CDH13: variants seen among roughly 807,000 people sequenced by gnomAD.
CDH13 encodes cadherin-13.
In CDH13, 24 loss-of-function variants were observed where a neutral mutation model predicts 63.8. The observed-to-expected ratio is 0.38, with a 90% confidence interval of 0.27 to 0.53. CDH13 has a LOEUF of 0.53. Ranked by LOEUF, CDH13 falls within the 20% of genes least tolerant of loss-of-function variation. The pLI is 0.85. For synonymous variants in CDH13, 503 were observed against 355.3 expected, an observed-to-expected ratio of 1.42 and a Z score of -4.67; for missense variants, 1,049 against 903.1, an observed-to-expected ratio of 1.16 and a Z score of -2.07.
intron 3 of CDH13, among the ~76,000 whole-genome samples, chr16:83,051,992 A>G (rs1233914737): frequency 6.6e-6 from 1 of 152,278 alleles, no homozygotes; most frequent in Non-Finnish European, 1.5e-5. Context: ...TGTCATGTGG[A>G]AATGAGAATA....
At chr16:82,765,585 T>G (rs1191672361) in intron 1 of CDH13, among the ~76,000 whole-genome samples, 1 of 152,202 alleles carries the variant, frequency 6.6e-6, no homozygotes, top group African/African-American at 2.4e-5. Context: ...GTATTTATGA[T>G]GAGAAAATCA....
chr16:83,470,165 C>T (rs1209689031), intron 6 of CDH13, among the ~76,000 whole-genome samples: 1 of 152,190 alleles, frequency 6.6e-6, no homozygotes, highest in Non-Finnish European at 1.5e-5. Context: ...TCACCTATCC[C>T]TCTACTTCCC....
intron 2 of CDH13, among the ~76,000 whole-genome samples, chr16:82,901,467 G>A (rs185604437): frequency 6.6e-6 from 1 of 151,876 alleles, no homozygotes; most frequent in East Asian, 1.9e-4. Context: ...GGCTGAGATA[G>A]CCGTGTAAAG....
At chr16:82,752,569 G>C (rs1050521835) in intron 1 of CDH13, among the ~76,000 whole-genome samples, 1 of 152,224 alleles carries the variant, frequency 6.6e-6, no homozygotes, top group Admixed American at 6.5e-5. Flanking sequence ...CTTTGAAAAT[G>C]TCCAATTCTC....
intron 7 of CDH13, among the ~76,000 whole-genome samples, chr16:83,500,365 TTCCTTCTTC>T (rs2074249486): frequency 4.2e-4 from 1 of 2,354 alleles, no homozygotes; most frequent in African/African-American, 4.8e-4. Flanking sequence ...TTCTTCCTTC[TTCCTTCTTC>T]TTTCTTCTTC....
chr16:82,961,976 T>A (rs1303504645), intron 2 of CDH13, among the ~76,000 whole-genome samples: 1 of 152,136 alleles, frequency 6.6e-6, no homozygotes, highest in Non-Finnish European at 1.5e-5. Flanking sequence ...GGCTTATGGA[T>A]GCCATGGGAA....
intron 2 of CDH13, among the ~76,000 whole-genome samples, chr16:82,996,965 G>A (rs1912285749): frequency 6.6e-6 from 1 of 151,752 alleles, no homozygotes; most frequent in East Asian, 1.9e-4. Flanking sequence ...TGGTGGTGGT[G>A]GTGGTAATGA....
At position 83,067,578 on chromosome 16, in the gene CDH13, T is replaced by G. The variant is rs1309408270; in HGVS notation, c.366+35360T>G. 2.0e-5 allele frequency among the ~76,000 whole-genome samples: 3 copies of G among 152,200 alleles called. No individual in the cohort carries two copies. The East Asian group carries it at 5.8e-4, about 29-fold the overall frequency. On this transcript the variant is annotated intron_variant, in intron 3 of 13. Transcript: ENST00000567109. ...TTTTACAACCTCCACAAACTAAGGTTCATGATCGAAGAACCTCACTGAATA... is the reference window on the plus strand; with the variant it reads ...TTTTACAACCTCCACAAACTAAGGTGCATGATCGAAGAACCTCACTGAATA...
intron 13 of CDH13, among the ~76,000 whole-genome samples, chr16:83,794,209 T>G (rs1370090789): frequency 6.6e-6 from 1 of 152,218 alleles, no homozygotes; most frequent in African/African-American, 2.4e-5. Context: ...TCGTGTTGTT[T>G]GCACTTTATG....
intron 1 of CDH13, among the ~76,000 whole-genome samples, chr16:82,641,811 G>T (rs764589730): frequency 1.6e-4 from 24 of 152,180 alleles, no homozygotes; most frequent in Non-Finnish European, 2.8e-4. Flanking sequence ...CCAAGTCCCT[G>T]CTCTGGTGAG....
chr16:82,727,117 C>T (rs1010936961), intron 1 of CDH13, among the ~76,000 whole-genome samples: 10 of 152,054 alleles, frequency 6.6e-5, no homozygotes, highest in South Asian at 2.1e-4. Context: ...TTACAAGATG[C>T]GCAGGTGGTA....
rs1376899298 is a variant in CDH13 at position 82,662,559 on chromosome 16, G to A, written c.45+35422G>A. Reference sequence around the variant, plus strand: ...GTTGGGAGAAGAAGGGAGCTGGTTTGGAGTAAATCCATCCCCACCACTATC... The same window carrying A: ...GTTGGGAGAAGAAGGGAGCTGGTTTAGAGTAAATCCATCCCCACCACTATC... On this transcript the variant is annotated intron_variant, in intron 1 of 13. Coordinates refer to ENST00000567109, the MANE Select transcript of CDH13 (RefSeq NM_001257.5). Among the ~76,000 whole-genome samples, 6 of 152,318 alleles carry A rather than the reference G, an allele frequency of 3.9e-5. 1 individual carries two copies. Among genetic ancestry groups the A allele is most frequent in the Admixed American group, 2.6e-4 (4 of 15,308 alleles).
intron 7 of CDH13, among the ~76,000 whole-genome samples, chr16:83,518,460 T>A (rs1256312451): frequency 2.8e-5 from 4 of 145,090 alleles, no homozygotes; most frequent in African/African-American, 1.0e-4. Context: ...GTGATGGGTT[T>A]TTTTTTGTTT....
chr16:82,722,387 T>G (rs2032829122), intron 1 of CDH13, among the ~76,000 whole-genome samples: 1 of 152,158 alleles, frequency 6.6e-6, no homozygotes, highest in Non-Finnish European at 1.5e-5. Context: ...CTCAGATCTG[T>G]AGCCTTATAA....
chr16:83,004,383 G>T (rs1210683606), intron 2 of CDH13, among the ~76,000 whole-genome samples: 2 of 152,178 alleles, frequency 1.3e-5, no homozygotes, highest in African/African-American at 2.4e-5. Flanking sequence ...CTGTAATAAA[G>T]AATGCTACAA....
rs151319737 is a variant in CDH13, at chr16:83,668,501, A to C, written c.1102-2289A>C. 3.2e-3 allele frequency among the ~76,000 whole-genome samples: 485 copies of C among 152,286 alleles called. 1 individual carries two copies. Among genetic ancestry groups the C allele is most frequent in the African/African-American group, 0.01 (428 of 41,560 alleles). Reference sequence around the variant, plus strand: ...TAGCCTTAGCCCATTTCATGCCCACATGATTGATACCTGGTTTTCTAAGGT... The same window carrying C: ...TAGCCTTAGCCCATTTCATGCCCACCTGATTGATACCTGGTTTTCTAAGGT... On this transcript the variant is annotated intron_variant, in intron 8 of 13. Transcript: ENST00000567109.
chr16:82,712,948 A>G (rs2032065907), intron 1 of CDH13, among the ~76,000 whole-genome samples: 1 of 152,092 alleles, frequency 6.6e-6, no homozygotes, highest in Admixed American at 6.5e-5. Context: ...CGTGAGCTTC[A>G]TCAAGGAATT....
At chr16:83,015,504 C>T (rs527282159) in intron 2 of CDH13, among the ~76,000 whole-genome samples, 5 of 151,130 alleles carry the variant, frequency 3.3e-5, no homozygotes, top group Middle Eastern at 3.2e-3. Context: ...TGAAAATCAA[C>T]ATAATCCAAA....
intron 3 of CDH13, among the ~76,000 whole-genome samples, chr16:83,051,476 C>T (rs1009484145): frequency 2.0e-5 from 3 of 152,128 alleles, no homozygotes; most frequent in Admixed American, 6.6e-5. Flanking sequence ...AAACCTGGTA[C>T]TAGGAATTTC....
Sources: gnomAD v4.1 joint callset for allele counts (sites outside exome capture counted in the v4.1 genomes callset) on GRCh38, gnomAD v4.1.1 for gene constraint, MANE v1.5 for transcripts, NCBI Gene and HGNC (gene_info 2026-07-23, HGNC 2026-07-21) for gene names.